RBFOX1: variants seen among roughly 807,000 people sequenced by gnomAD.
RBFOX1 encodes RNA binding fox-1 homolog 1.
RBFOX1 carries 8 observed loss-of-function variants against 57.7 expected under a neutral mutation model. That is an observed-to-expected ratio of 0.14 (90% confidence interval 0.08 to 0.25). The LOEUF (loss-of-function observed/expected upper bound fraction) is 0.25, where lower values mean the gene tolerates loss of function less well. Among genes scored for constraint, RBFOX1 ranks in the 10% least tolerant of loss-of-function variants. The probability of loss-of-function intolerance (pLI) is 1.00; values close to 1 mark genes in which losing one functional copy is unlikely to be tolerated. For missense variants in RBFOX1, 611 were observed against 548.5 expected (o/e 1.11, Z -1.14); for synonymous variants, 326 against 222.4 (o/e 1.47, Z -4.15).
At chr16:5,342,890 G>T (rs2065061838) in intron 1 of RBFOX1, among the ~76,000 whole-genome samples, 2 of 151,798 alleles carry the variant, frequency 1.3e-5, no homozygotes, top group African/African-American at 4.8e-5. Context: ...AGTTTGTGGG[G>T]TATAGGGAGA....
rs62016068 is a variant in RBFOX1 at position 6,769,218 on chromosome 16, A to G, written c.-16+114568A>G. ...AGATCCGATGGTTTTATAAAGGGGA[A>G]TTTCCCTGCACAAGTTCTTTCTTTG... On this transcript the variant is annotated intron_variant, in intron 3 of 15. Transcript: ENST00000550418. Among the ~76,000 whole-genome samples the G allele has an allele frequency of 4.3e-3, 661 of 152,174 alleles. 6 individuals carry two copies. The highest frequency in any genetic ancestry group is 7.5e-3 in the Non-Finnish European group (508 of 68,014).
At chr16:6,782,165 C>A (rs1168957925) in intron 3 of RBFOX1, among the ~76,000 whole-genome samples, 3 of 152,134 alleles carry the variant, frequency 2.0e-5, no homozygotes, top group African/African-American at 7.2e-5. Flanking sequence ...CACCACCACA[C>A]CCAGCTAATT....
chr16:7,428,531 T>TTAA lies in RBFOX1; in HGVS notation c.28-89614_28-89613insATA, dbSNP rs1273771953. ...ATTATTATTATTATTATTATTATTA[T>TTAA]TATTATTATTTGTAGTTTTAGTAGA... is the stretch of plus-strand genomic sequence containing the variant. On this transcript the variant is annotated intron_variant, in intron 4 of 15. Coordinates refer to ENST00000550418, the MANE Select transcript of RBFOX1 (RefSeq NM_018723.4). Among the ~76,000 whole-genome samples, 21 of 145,158 alleles carry TTAA rather than the reference T, an allele frequency of 1.4e-4. No homozygotes were observed. The East Asian group carries it at 4.2e-3, about 29-fold the overall frequency.
At chr16:6,844,862 T>C (rs746573652) in intron 3 of RBFOX1, among the ~76,000 whole-genome samples, 3 of 152,192 alleles carry the variant, frequency 2.0e-5, no homozygotes, top group African/African-American at 7.2e-5. Context: ...TTTAATATTT[T>C]TATTAGTAAC....
chr16:5,382,210 G>A (rs935822218), intron 1 of RBFOX1, among the ~76,000 whole-genome samples: 4 of 152,170 alleles, frequency 2.6e-5, no homozygotes, highest in African/African-American at 9.7e-5. Context: ...ATCAGTAATT[G>A]ACAACATTGT....
At chr16:5,625,575 C>T (rs1163984224) in intron 3 of RBFOX1, among the ~76,000 whole-genome samples, 8 of 56,282 alleles carry the variant, frequency 1.4e-4, no homozygotes, top group Admixed American at 6.0e-4. Context: ...TATTTATTTT[C>T]GAGATGGAGT....
rs571100518 is a variant in RBFOX1 at position 7,219,837 on chromosome 16, C to A, written c.27+167739C>A. Among the ~76,000 whole-genome samples the A allele has an allele frequency of 7.9e-5, 12 of 152,200 alleles. No homozygotes were observed. In the South Asian group the frequency reaches 2.5e-3, roughly 32 times the overall value. On this transcript the variant is annotated intron_variant, in intron 4 of 15. Coordinates refer to ENST00000550418, the MANE Select transcript of RBFOX1 (RefSeq NM_018723.4). ...GCATGACCTTCCACCAAAGGATTTC[C>A]CATTGTTTCTGAGAGTGAGTGTATT...
intron 4 of RBFOX1, among the ~76,000 whole-genome samples, chr16:7,322,769 G>T (rs1410770655): frequency 3.9e-5 from 6 of 152,156 alleles, no homozygotes; most frequent in African/African-American, 1.2e-4. Flanking sequence ...CCCTTGAGGT[G>T]GAGATGATGC....
At chr16:7,160,789 C>T (rs1225983000) in intron 4 of RBFOX1, among the ~76,000 whole-genome samples, 1 of 147,466 alleles carries the variant, frequency 6.8e-6, no homozygotes, top group Non-Finnish European at 1.5e-5. Flanking sequence ...TTTTTTCTCC[C>T]TCCTCCGTCT....
chr16:6,351,368 A>ATTTTTTT (rs1358836868), intron 2 of RBFOX1, among the ~76,000 whole-genome samples: 2 of 103,860 alleles, frequency 1.9e-5, no homozygotes, highest in African/African-American at 8.8e-5. Context: ...ATATATATAT[A>ATTTTTTT]TATATTTTTT....
chr16:7,480,326 T>C (rs143750217), intron 4 of RBFOX1, among the ~76,000 whole-genome samples: 128 of 152,336 alleles, frequency 8.4e-4, no homozygotes, highest in African/African-American at 2.8e-3. Flanking sequence ...AGTTTCCCTC[T>C]CTTTCAACCT....
chr16:7,710,799 C>A lies in RBFOX1; in HGVS notation c.*54C>A, dbSNP rs1568623832. ...TGGGGAGAAAGGAAGCTTTCCGAGG[C>A]CTGAGTATTGCAATACATGCAGTAG... is the stretch of plus-strand genomic sequence containing the variant. On this transcript the variant is annotated 3_prime_UTR_variant, in exon 16 of 16. Transcript: ENST00000550418. 4 of 1,438,484 alleles carry A rather than the reference C, an allele frequency of 2.8e-6. No individual in the cohort carries two copies. The South Asian group carries it at 5.9e-5, about 21-fold the overall frequency. The allele number at this position is 1,438,484 out of a possible 1,614,324, so 89.1% of individuals were successfully genotyped here.
chr16:6,415,373 C>A (rs191450752), intron 2 of RBFOX1, among the ~76,000 whole-genome samples: 2 of 151,606 alleles, frequency 1.3e-5, no homozygotes, highest in African/African-American at 2.4e-5. Flanking sequence ...CAAGCTCATA[C>A]AGCTAGGAAG....
rs571215843 is a variant in RBFOX1 at position 7,245,084 on chromosome 16, T to C, written c.27+192986T>C. On this transcript the variant is annotated intron_variant, in intron 4 of 15. Coordinates refer to ENST00000550418, the MANE Select transcript of RBFOX1 (RefSeq NM_018723.4). ...TTACCTAAGAGAGTCTGAAAAGTCT[T>C]ATTTCTAGGTGCTGTATGTCCATTT... Among the ~76,000 whole-genome samples the C allele has an allele frequency of 4.6e-5, 7 of 152,326 alleles. No individual in the cohort carries two copies. The South Asian group carries it at 1.5e-3, about 32-fold the overall frequency.
chr16:5,361,792 G>T (rs1250765881), intron 1 of RBFOX1, among the ~76,000 whole-genome samples: 1 of 152,170 alleles, frequency 6.6e-6, no homozygotes, highest in Admixed American at 6.5e-5. Flanking sequence ...AGCCTGCCTG[G>T]TTTTCACACA....
intron 3 of RBFOX1, among the ~76,000 whole-genome samples, chr16:6,963,144 C>G (rs2083376401): frequency 1.3e-5 from 2 of 152,108 alleles, no homozygotes; most frequent in Admixed American, 1.3e-4. Context: ...CTTTGGGGTT[C>G]TGGCTGGTAG....
intron 3 of RBFOX1, among the ~76,000 whole-genome samples, chr16:6,722,135 C>G (rs2066130484): frequency 6.6e-6 from 1 of 152,112 alleles, no homozygotes; most frequent in Non-Finnish European, 1.5e-5. Flanking sequence ...CTCTCTGGGA[C>G]CCTGCTTTCC....
rs2063698379 is a variant in RBFOX1, at chr16:5,297,521, T to G, written c.219+57416T>G. 1.3e-5 allele frequency among the ~76,000 whole-genome samples: 2 copies of G among 152,254 alleles called. 1 individual carries two copies. Among genetic ancestry groups the G allele is most frequent in the South Asian group, 4.1e-4 (2 of 4,836 alleles). On this transcript the variant is annotated intron_variant, in intron 1 of 2. Coordinates refer to the RBFOX1 transcript ENST00000585867. ...ATTTTAAGAATTTTTTATATACCGG[T>G]GGGTCATTTGTATGTCTTCTTTTGA...
At chr16:6,005,776 A>C (rs1396411268) in intron 4 of RBFOX1, among the ~76,000 whole-genome samples, 8 of 152,216 alleles carry the variant, frequency 5.3e-5, no homozygotes, top group Non-Finnish European at 1.5e-5. Flanking sequence ...CAGCTGATTC[A>C]GCCAGGAGGA....
Sources: gnomAD v4.1 joint callset for allele counts (sites outside exome capture counted in the v4.1 genomes callset) on GRCh38, gnomAD v4.1.1 for gene constraint, MANE v1.5 for transcripts, NCBI Gene and HGNC (gene_info 2026-07-23, HGNC 2026-07-21) for gene names.